ADARB2: variants seen among roughly 807,000 people sequenced by gnomAD.
ADARB2 encodes adenosine deaminase RNA specific B2 (inactive).
A neutral mutation model predicts 62.2 loss-of-function variants in ADARB2; 25 were observed. The observed-to-expected ratio is 0.40, with a 90% CI of 0.29 to 0.56. The LOEUF is 0.56. ADARB2 is among the 20% of genes least tolerant of loss of function. The probability of loss-of-function intolerance (pLI) is 0.43; values close to 1 mark genes in which losing one functional copy is unlikely to be tolerated. For missense variants in ADARB2, 1,071 were observed against 1,077.4 expected (o/e 0.99, Z 0.08); for synonymous variants, 572 against 500.8 (o/e 1.14, Z -1.90).
At chr10:1,357,314 G>T (rs935884062) in intron 3 of ADARB2, among the ~76,000 whole-genome samples, 4 of 152,158 alleles carry the variant, frequency 2.6e-5, no homozygotes, top group Non-Finnish European at 5.9e-5. Context: ...TAGGACACTG[G>T]CATATCCGTG....
chr10:1,317,119 T>C (rs1169194799), intron 3 of ADARB2, among the ~76,000 whole-genome samples: 1 of 152,254 alleles, frequency 6.6e-6, no homozygotes, highest in Non-Finnish European at 1.5e-5. Flanking sequence ...TCCCTTCCTG[T>C]ATGTTTTTGC....
At chr10:1,563,814 T>C (rs1348638439) in intron 1 of ADARB2, among the ~76,000 whole-genome samples, 1 of 131,074 alleles carries the variant, frequency 7.6e-6, no homozygotes, top group African/African-American at 2.9e-5. Context: ...CAGAGTGTGA[T>C]GTTCCCCTTC....
intron 1 of ADARB2, among the ~76,000 whole-genome samples, chr10:1,688,807 C>T (rs1469912915): frequency 2.6e-5 from 4 of 152,204 alleles, no homozygotes; most frequent in Admixed American, 6.5e-5. Context: ...ATCACAAAGC[C>T]TTTTTATACA....
chr10:1,269,107 C>T (rs1309158228), intron 4 of ADARB2, among the ~76,000 whole-genome samples: 3 of 152,120 alleles, frequency 2.0e-5, no homozygotes, highest in Non-Finnish European at 4.4e-5. Context: ...CTCCCCTCCC[C>T]TTTCTACTCC....
intron 1 of ADARB2, among the ~76,000 whole-genome samples, chr10:1,682,041 C>T (rs1248294140): frequency 1.3e-5 from 2 of 152,162 alleles, no homozygotes; most frequent in East Asian, 1.9e-4. Context: ...ATTTATGTGC[C>T]ATGCAGACCC....
chr10:1,485,197 G>C (rs1158225266), intron 1 of ADARB2, among the ~76,000 whole-genome samples: 1 of 151,936 alleles, frequency 6.6e-6, no homozygotes, highest in African/African-American at 2.4e-5. Flanking sequence ...TAGGTATGTA[G>C]GTGGATCTGT....
chr10:1,521,371 G>C (rs951168307), intron 1 of ADARB2, among the ~76,000 whole-genome samples: 1 of 152,060 alleles, frequency 6.6e-6, no homozygotes, highest in African/African-American at 2.4e-5. Context: ...TTAAAACCTC[G>C]CTTCAGTCTT....
At chr10:1,358,544 C>T (rs1236366889) in intron 3 of ADARB2, among the ~76,000 whole-genome samples, 1 of 152,204 alleles carries the variant, frequency 6.6e-6, no homozygotes, top group East Asian at 1.9e-4. Context: ...GGTGCCACCG[C>T]TCCCAGTCTC....
At chr10:1,624,922 T>C (rs965473631) in intron 1 of ADARB2, among the ~76,000 whole-genome samples, 3 of 152,200 alleles carry the variant, frequency 2.0e-5, no homozygotes, top group African/African-American at 7.2e-5. Flanking sequence ...TATGCTGCAT[T>C]TACTGAAGCA....
intron 3 of ADARB2, among the ~76,000 whole-genome samples, chr10:1,332,000 T>C (rs73594186): frequency 0.055 from 8,438 of 152,294 alleles, 385 homozygotes; most frequent in African/African-American, 0.11. Context: ...AGTTGTCAGA[T>C]TGGCTGCAAC....
At chr10:1,444,604 A>G (rs1830945227) in intron 1 of ADARB2, among the ~76,000 whole-genome samples, 1 of 134,002 alleles carries the variant, frequency 7.5e-6, no homozygotes. Flanking sequence ...CTTTCTATCT[A>G]CCTCCATTCT....
At chr10:1,195,847 C>T (rs577319687) in intron 8 of ADARB2, among the ~76,000 whole-genome samples, 2 of 152,246 alleles carry the variant, frequency 1.3e-5, no homozygotes, top group East Asian at 1.9e-4. Context: ...TTTATGGCAC[C>T]GTCCTAGTCT....
chr10:1,631,951 T>C (rs192907053), intron 1 of ADARB2, among the ~76,000 whole-genome samples: 1 of 152,068 alleles, frequency 6.6e-6, no homozygotes, highest in African/African-American at 2.4e-5. Flanking sequence ...AAGCGTGATC[T>C]TAGAGAGGAG....
chr10:1,625,265 G>A (rs1019730225), intron 1 of ADARB2, among the ~76,000 whole-genome samples: 5 of 152,210 alleles, frequency 3.3e-5, no homozygotes, highest in Non-Finnish European at 7.3e-5. Context: ...GGAGCCTGAG[G>A]CTGAACTCGC....
At chr10:1,272,531 C>T (rs1831272767) in intron 3 of ADARB2, among the ~76,000 whole-genome samples, 1 of 152,252 alleles carries the variant, frequency 6.6e-6, no homozygotes, top group Non-Finnish European at 1.5e-5. Flanking sequence ...GGCGCAGTCT[C>T]CTCTGCTCAC....
chr10:1,538,967 G>A (rs774224079), intron 1 of ADARB2, among the ~76,000 whole-genome samples: 7 of 152,168 alleles, frequency 4.6e-5, no homozygotes, highest in Non-Finnish European at 8.8e-5. Flanking sequence ...GGGTGCAGGC[G>A]TCATTCTCAC....
intron 3 of ADARB2, among the ~76,000 whole-genome samples, chr10:1,277,648 G>A (rs559769600): frequency 1.4e-4 from 21 of 152,278 alleles, no homozygotes; most frequent in African/African-American, 5.1e-4. Context: ...GAACCAGATG[G>A]ATTCACAGCC....
chr10:1,667,052 G>T (rs1454677899), intron 1 of ADARB2, among the ~76,000 whole-genome samples: 1 of 152,196 alleles, frequency 6.6e-6, no homozygotes, highest in South Asian at 2.1e-4. Flanking sequence ...AACGGCAGTT[G>T]ACTTAAGGAA....
chr10:1,293,228 G>GGGGGGGAGGGACAGAGGGAGGGAA (rs1554752375), intron 3 of ADARB2, among the ~76,000 whole-genome samples: 3 of 108,450 alleles, frequency 2.8e-5, no homozygotes, highest in Non-Finnish European at 5.8e-5. Flanking sequence ...GAGAGGGACG[G>GGGGGGGAGGGACAGAGGGAGGGAA]GGAGGGAGAG....
Sources: allele counts gnomAD v4.1 joint callset (sites outside exome capture counted in the v4.1 genomes callset), GRCh38; gene constraint gnomAD v4.1.1; transcripts MANE v1.5; gene names NCBI Gene and HGNC (gene_info 2026-07-23, HGNC 2026-07-21).